Variants in R3HDM1 observed in about 807,000 individuals in gnomAD.
R3HDM1 encodes the protein R3H domain containing 1.
Under a neutral mutation model 141.1 loss-of-function variants are expected in R3HDM1, and 46 were observed. The observed-to-expected ratio is 0.33, with a 90% CI of 0.26 to 0.42. The LOEUF is 0.42. Among genes scored for constraint, R3HDM1 ranks in the 10% least tolerant of loss-of-function variants. The probability of loss-of-function intolerance (pLI) is 1.00; values close to 1 mark genes in which losing one functional copy is unlikely to be tolerated. For missense variants in R3HDM1, 1,184 were observed against 1,368.3 expected, an observed-to-expected ratio of 0.87 and a Z score of 2.12; for synonymous variants, 435 against 472.9, an observed-to-expected ratio of 0.92 and a Z score of 1.04.
chr2:135,722,460 G>T lies in R3HDM1; in HGVS notation c.2965-9G>T. The T allele has an allele frequency of 6.2e-7, 1 of 1,613,230 alleles. No individual in the cohort carries two copies. The highest frequency in any genetic ancestry group is 8.5e-7 in the Non-Finnish European group (1 of 1,179,840). On this transcript the variant is annotated splice_polypyrimidine_tract_variant and intron_variant, in intron 25 of 26. Coordinates refer to ENST00000683871, the MANE Select transcript of R3HDM1 (RefSeq NM_001378107.1). ...TAACGTTGTTTCTCAACTATTTGTG[G>T]GTTTTCAGGGTCAGCCTGGCAGCAG... is the stretch of plus-strand genomic sequence containing the variant.
At chr2:135,716,114 G>A (rs1293524647) in intron 24 of R3HDM1, among the ~76,000 whole-genome samples, 1 of 151,958 alleles carries the variant, frequency 6.6e-6, no homozygotes, top group Non-Finnish European at 1.5e-5. Flanking sequence ...ATCACTTGAG[G>A]CCACTCAAGA....
intron 5 of R3HDM1, among the ~76,000 whole-genome samples, chr2:135,618,450 C>T (rs2061254663): frequency 6.8e-6 from 1 of 147,410 alleles, no homozygotes; most frequent in Non-Finnish European, 1.5e-5. Flanking sequence ...GTGTGAGCCA[C>T]CGCGCCCGGC....
At chr2:135,631,625 G>T (rs1559294852) in intron 7 of R3HDM1, 93 bp from the exon 8 acceptor site, 2 of 1,011,992 alleles carry the variant, frequency 2.0e-6, no homozygotes, top group East Asian at 5.6e-5. Flanking sequence ...TTTTTAGGGG[G>T]TGAAATTTAG....
intron 16 of R3HDM1, chr2:135,649,269 G>A (rs1426418699): frequency 6.6e-6 from 1 of 151,980 alleles, no homozygotes; most frequent in East Asian, 1.9e-4. Context: ...GTTTCACCAT[G>A]TTAGCCAGGA....
At position 135,557,767 on chromosome 2, in the gene R3HDM1, G is replaced by C. The variant is rs184130582; in HGVS notation, c.-250+26134G>C. On this transcript the variant is annotated intron_variant, in intron 1 of 26. Transcript: ENST00000683871. ...GGTCATGTTCTCACTCCTGGGGCTG[G>C]AAGTGGAACTTAACTGCCAGGCAAG... 1.4e-4 allele frequency among the ~76,000 whole-genome samples: 21 copies of C among 152,344 alleles called. No individual in the cohort carries two copies. The East Asian group carries it at 3.1e-3, about 22-fold the overall frequency.
chr2:135,616,050 C>A, intron 3 of R3HDM1, 102 bp from the exon 4 acceptor site: 1 of 1,164,722 alleles, frequency 8.6e-7, no homozygotes, highest in Non-Finnish European at 1.3e-6. Flanking sequence ...ACTTTTCATA[C>A]TTTATGCACA....
intron 3 of R3HDM1, among the ~76,000 whole-genome samples, chr2:135,614,317 A>G (rs1407754561): frequency 1.3e-5 from 2 of 152,158 alleles, no homozygotes; most frequent in African/African-American, 4.8e-5. Context: ...TTAAATTAGC[A>G]TTTGTTAGAT....
chr2:135,597,461 A>G (rs1278476491), intron 1 of R3HDM1, among the ~76,000 whole-genome samples: 2 of 152,232 alleles, frequency 1.3e-5, no homozygotes, highest in African/African-American at 4.8e-5. Context: ...AATTTCCACT[A>G]TTTCTAAATA....
At chr2:135,704,510 G>C (rs1455556167) in intron 21 of R3HDM1, among the ~76,000 whole-genome samples, 1 of 143,536 alleles carries the variant, frequency 7.0e-6, no homozygotes, top group East Asian at 2.1e-4. Flanking sequence ...AGTCTCTTTC[G>C]CCCAGGCCAG....
chr2:135,602,687 C>T lies in R3HDM1; in HGVS notation c.-62C>T, dbSNP rs1445671734. 2.0e-6 allele frequency: 3 copies of T among 1,528,746 alleles called. No individual in the cohort carries two copies. In the East Asian group the frequency reaches 7.4e-5, roughly 38 times the overall value. The allele number at this position is 1,528,746 out of a possible 1,614,324, so 94.7% of individuals were successfully genotyped here. On this transcript the variant is annotated 5_prime_UTR_variant, in exon 2 of 27. Transcript: ENST00000683871. ...TTTATTTTTGTGGGACACCACAATC[C>T]CAAATCCAAAGGACGCATCAGGTAA...
intron 18 of R3HDM1, among the ~76,000 whole-genome samples, chr2:135,654,308 C>T (rs2065502118): frequency 6.6e-6 from 1 of 152,048 alleles, no homozygotes; most frequent in Non-Finnish European, 1.5e-5. Flanking sequence ...CACACACACA[C>T]AAACACACAC....
At chr2:135,713,453 T>A (rs2105447865) in intron 23 of R3HDM1, among the ~76,000 whole-genome samples, 1 of 152,342 alleles carries the variant, frequency 6.6e-6, no homozygotes, top group South Asian at 2.1e-4. Context: ...AATGTAGAAT[T>A]TGATCCACAG....
At chr2:135,689,774 T>C (rs2072016070) in intron 21 of R3HDM1, among the ~76,000 whole-genome samples, 1 of 151,748 alleles carries the variant, frequency 6.6e-6, no homozygotes, top group Non-Finnish European at 1.5e-5. Context: ...GGACACTAAT[T>C]TTACAACAAC....
chr2:135,721,999 A>G lies in R3HDM1; in HGVS notation c.2957A>G (p.Asn986Ser), dbSNP rs748415500. The change falls in exon 25 of 27, where the codon AAC becomes AGC. Residue 986 changes from asparagine (N) to serine (S), a missense_variant. Coordinates refer to ENST00000683871, the MANE Select transcript of R3HDM1 (RefSeq NM_001378107.1). ...GCTGTTCTGCACGGACACATTCCAA[A>G]CCAACAGGTAGGAAAGACAACTAAC... ...PPAVLHGHIPNQQGQPGSRHG... is the reference protein window; with the variant it reads ...PPAVLHGHIPSQQGQPGSRHG... The G allele has an allele frequency of 3.1e-6, 5 of 1,612,614 alleles. No individual in the cohort carries two copies. In the Admixed American group the frequency reaches 8.3e-5, roughly 27 times the overall value.
intron 1 of R3HDM1, among the ~76,000 whole-genome samples, chr2:135,544,988 G>A (rs1698389170): frequency 6.6e-6 from 1 of 152,128 alleles, no homozygotes; most frequent in Non-Finnish European, 1.5e-5. Flanking sequence ...TAGTGCTTTA[G>A]CATGTATTTT....
intron 7 of R3HDM1, among the ~76,000 whole-genome samples, chr2:135,625,091 G>A (rs949963672): frequency 1.3e-5 from 2 of 151,994 alleles, no homozygotes; most frequent in Non-Finnish European, 2.9e-5. Context: ...GAGAGAGAGA[G>A]CAGAGGAATC....
chr2:135,534,821 G>A (rs1000368059), intron 1 of R3HDM1, among the ~76,000 whole-genome samples: 3 of 152,210 alleles, frequency 2.0e-5, no homozygotes, highest in South Asian at 2.1e-4. Context: ...CAAGTAATAG[G>A]GTTTTTTTTC....
intron 19 of R3HDM1, chr2:135,669,661 T>G: frequency 1.3e-6 from 1 of 783,164 alleles, no homozygotes; most frequent in Non-Finnish European, 1.5e-6. Context: ...GCTACACATT[T>G]GATAGCTGTT....
intron 21 of R3HDM1, among the ~76,000 whole-genome samples, chr2:135,685,023 A>G (rs552313863): frequency 1.1e-4 from 16 of 152,234 alleles, no homozygotes; most frequent in East Asian, 9.6e-4. Flanking sequence ...CTCTACCCCC[A>G]AAGTGCTAGG....
Sources: gnomAD v4.1 joint callset for allele counts (sites outside exome capture counted in the v4.1 genomes callset) on GRCh38, gnomAD v4.1.1 for gene constraint, MANE v1.5 for transcripts, NCBI Gene and HGNC (gene_info 2026-07-23, HGNC 2026-07-21) for gene names.